Variants in PIGU observed in about 807,000 individuals in gnomAD.
PIGU encodes GPI-anchor transamidase component PIGU.
Under a neutral mutation model 49.9 loss-of-function variants are expected in PIGU, and 24 were observed. The ratio of observed to expected loss-of-function variants is 0.48; its 90% CI spans 0.35 to 0.68. The LOEUF is 0.68. Among genes scored for constraint, PIGU ranks in the 30% least tolerant of loss-of-function variants. PIGU has a pLI of 0.01. For synonymous variants in PIGU, 220 were observed against 205.7 expected (o/e 1.07, Z -0.59); for missense variants, 490 against 532.6 (o/e 0.92, Z 0.79).
chr20:34,605,604 T>C (rs563882683), intron 7 of PIGU, among the ~76,000 whole-genome samples: 1 of 152,348 alleles, frequency 6.6e-6, no homozygotes, highest in African/African-American at 2.4e-5. Context: ...CAGTAGGTAC[T>C]ATTATATTAT....
At chr20:34,569,491 A>G (rs1982916461) in intron 11 of PIGU, among the ~76,000 whole-genome samples, 1 of 152,136 alleles carries the variant, frequency 6.6e-6, no homozygotes, top group African/African-American at 2.4e-5. Context: ...TCAGCCTCCC[A>G]AAGTGTTGGG....
chr20:34,631,755 A>G (rs1568649356), intron 6 of PIGU, among the ~76,000 whole-genome samples: 1 of 3,818 alleles, frequency 2.6e-4, no homozygotes, highest in Non-Finnish European at 4.8e-4. Flanking sequence ...ATATATATAT[A>G]TATATATATA....
At chr20:34,580,609 G>T (rs1357726555) in intron 10 of PIGU, among the ~76,000 whole-genome samples, 1 of 152,170 alleles carries the variant, frequency 6.6e-6, no homozygotes, top group Non-Finnish European at 1.5e-5. Flanking sequence ...TCCCTTCCAT[G>T]CCTCGTTTAG....
At chr20:34,585,291 C>T (rs536383984) in intron 9 of PIGU, 146 bp downstream of exon 9, 30 of 964,382 alleles carry the variant, frequency 3.1e-5, no homozygotes, top group South Asian at 1.2e-4. Flanking sequence ...CTGGCAACTG[C>T]GGCAACTGAA....
At chr20:34,593,862 G>A (rs149178118) in intron 7 of PIGU, among the ~76,000 whole-genome samples, 1 of 152,198 alleles carries the variant, frequency 6.6e-6, no homozygotes, top group African/African-American at 2.4e-5. Flanking sequence ...CTGGGGGACT[G>A]AGCAAGAGAC....
At chr20:34,582,302 T>A (rs1005112813) in intron 9 of PIGU, among the ~76,000 whole-genome samples, 1 of 152,182 alleles carries the variant, frequency 6.6e-6, no homozygotes, top group African/African-American at 2.4e-5. Context: ...GCAATGGGTA[T>A]CCTCTCCTGA....
intron 2 of PIGU, among the ~76,000 whole-genome samples, chr20:34,651,239 C>T (rs1020569527): frequency 8.5e-5 from 13 of 152,284 alleles, no homozygotes; most frequent in African/African-American, 3.1e-4. Flanking sequence ...AAGTTCCAGC[C>T]TAAAGGCAAG....
intron 7 of PIGU, among the ~76,000 whole-genome samples, chr20:34,606,437 T>C (rs970978946): frequency 2.0e-5 from 3 of 152,148 alleles, no homozygotes; most frequent in Admixed American, 6.6e-5. Flanking sequence ...CTCCACTTTT[T>C]CTTTTTCATA....
At chr20:34,587,702 C>A (rs1003299287) in intron 8 of PIGU, among the ~76,000 whole-genome samples, 1 of 152,138 alleles carries the variant, frequency 6.6e-6, no homozygotes, top group Non-Finnish European at 1.5e-5. Flanking sequence ...CTTCTATGAG[C>A]GTAATTGTTT....
At chr20:34,663,880 G>A (rs1228601989) in intron 1 of PIGU, among the ~76,000 whole-genome samples, 2 of 152,196 alleles carry the variant, frequency 1.3e-5, no homozygotes, top group East Asian at 3.8e-4. Flanking sequence ...CGGCCGTCCA[G>A]GCACATCACT....
At chr20:34,590,050 CATT>C (rs946780064) in intron 7 of PIGU, among the ~76,000 whole-genome samples, 4 of 150,162 alleles carry the variant, frequency 2.7e-5, no homozygotes, top group African/African-American at 9.8e-5. Flanking sequence ...ATATGGCTAT[CATT>C]ATACATTTTC....
chr20:34,653,575 C>T (rs1279343469), intron 2 of PIGU, among the ~76,000 whole-genome samples: 2 of 152,152 alleles, frequency 1.3e-5, no homozygotes, highest in Admixed American at 1.3e-4. Flanking sequence ...AAGCCAGGCA[C>T]TGTGTCTTGT....
Position 34,677,071 on chromosome 20 carries a change from C to G in PIGU, c.15G>C (p.Leu5Phe), listed in dbSNP as rs371637416. The change falls in exon 1 of 12, where the codon TTG (leucine) becomes TTC (phenylalanine). Residue 5 changes from leucine (L) to phenylalanine (F), a missense_variant. Transcript: ENST00000217446. ...TCACAGCCACCACCAGCACCAGGACCAAGGGAGCCGCCATGATAACTGGGG... is the reference window on the plus strand; with the variant it reads ...TCACAGCCACCACCAGCACCAGGACGAAGGGAGCCGCCATGATAACTGGGG... MAAP[L>F]VLVLVVAVTV... 7.3e-5 allele frequency: 114 copies of G among 1,564,794 alleles called. No individual in the cohort carries two copies. Among genetic ancestry groups the G allele is most frequent in the Non-Finnish European group, 9.3e-5 (107 of 1,155,062 alleles).
chr20:34,658,727 G>T lies in PIGU; in HGVS notation c.131-1483C>A, dbSNP rs576707812. ...AGACCCTCTGCCTGACAACCGCCCCGTCTGAGAAGTGAGGAGCCCCTCCGC... is the reference window on the plus strand; with the variant it reads ...AGACCCTCTGCCTGACAACCGCCCCTTCTGAGAAGTGAGGAGCCCCTCCGC... On this transcript the variant is annotated intron_variant, in intron 1 of 11. Transcript: ENST00000217446. Among the ~76,000 whole-genome samples the T allele has an allele frequency of 1.3e-5, 2 of 148,756 alleles. 1 individual carries two copies. The highest frequency in any genetic ancestry group is 4.3e-4 in the South Asian group (2 of 4,620).
At position 34,626,143 on chromosome 20, in the gene PIGU, T is replaced by C. The variant is rs564660522; in HGVS notation, c.529+8472A>G. Among the ~76,000 whole-genome samples the C allele has an allele frequency of 5.9e-5, 9 of 152,116 alleles. No individual in the cohort carries two copies. In the South Asian group the frequency reaches 1.9e-3, roughly 32 times the overall value. On this transcript the variant is annotated intron_variant, in intron 6 of 11. Transcript: ENST00000217446. ...TTTTTCCAGTGATTATAAATAATTC[T>C]GCGATTAATAACTTTGTACCATAAA...
chr20:34,591,977 G>A (rs1984007405), intron 7 of PIGU, among the ~76,000 whole-genome samples: 1 of 152,106 alleles, frequency 6.6e-6, no homozygotes, highest in African/African-American at 2.4e-5. Flanking sequence ...CGCGAGGTCA[G>A]GGGATCAAAA....
intron 1 of PIGU, among the ~76,000 whole-genome samples, chr20:34,666,602 TCACTGCAGCC>T (rs914232519): frequency 6.6e-6 from 1 of 150,498 alleles, no homozygotes; most frequent in Non-Finnish European, 1.5e-5. Flanking sequence ...CACAATCAGC[TCACTGCAGCC>T]TTAACCTCCC....
Position 34,582,890 on chromosome 20 carries a change from C to T in PIGU, c.927-1218G>A, listed in dbSNP as rs149824324. Among the ~76,000 whole-genome samples, 272 of 152,110 alleles carry T rather than the reference C, an allele frequency of 1.8e-3. 1 individual carries two copies. Among genetic ancestry groups the T allele is most frequent in the African/African-American group, 6.0e-3 (250 of 41,480 alleles). Reference sequence around the variant, plus strand: ...GGGGGACAGAGCTCAATCTCGGTGCCCCTCCGAGAGCTGACCAAGTGCTAA... The same window carrying T: ...GGGGGACAGAGCTCAATCTCGGTGCTCCTCCGAGAGCTGACCAAGTGCTAA... On this transcript the variant is annotated intron_variant, in intron 9 of 11. Coordinates refer to ENST00000217446, the MANE Select transcript of PIGU (RefSeq NM_080476.5).
chr20:34,581,821 C>T (rs1468888674), intron 9 of PIGU, 149 bp from the exon 10 acceptor site: 5 of 1,102,986 alleles, frequency 4.5e-6, no homozygotes, highest in African/African-American at 3.2e-5. Context: ...ATGGGCCAGG[C>T]CCCAGTAGCA....
Sources: allele counts gnomAD v4.1 joint callset (sites outside exome capture counted in the v4.1 genomes callset), GRCh38; gene constraint gnomAD v4.1.1; transcripts MANE v1.5; gene names NCBI Gene and HGNC (gene_info 2026-07-23, HGNC 2026-07-21).